The following TATDN1 variants were observed in gnomAD, a reference collection of about 807,000 sequenced individuals.
TATDN1 encodes TatD DNase domain containing 1, also known as deoxyribonuclease TATDN1.
A neutral mutation model predicts 46.4 loss-of-function variants in TATDN1; 40 were observed. That is an observed-to-expected ratio of 0.86 (90% confidence interval 0.67 to 1.12). The LOEUF (loss-of-function observed/expected upper bound fraction) is 1.12, where lower values mean the gene tolerates loss of function less well. TATDN1 is among the 50% of genes most tolerant of loss of function. TATDN1 has a pLI of 0.00. For missense variants in TATDN1, 326 were observed against 348.4 expected, an observed-to-expected ratio of 0.94 and a Z score of 0.51; for synonymous variants, 95 against 105.6, an observed-to-expected ratio of 0.90 and a Z score of 0.62.
At chr8:124,501,639 A>C (rs182218288) in intron 9 of TATDN1, among the ~76,000 whole-genome samples, 2 of 152,334 alleles carry the variant, frequency 1.3e-5, no homozygotes, top group Admixed American at 1.3e-4. Context: ...AGTTGAAGTA[A>C]ATTTCATAAA....
chr8:124,517,197 A>C (rs1042503116), intron 4 of TATDN1, among the ~76,000 whole-genome samples: 4 of 152,244 alleles, frequency 2.6e-5, no homozygotes, highest in African/African-American at 9.6e-5. Flanking sequence ...TGGGAGGGCA[A>C]GCCGGGCAGA....
chr8:124,531,532 C>G (rs1010274942), intron 1 of TATDN1, among the ~76,000 whole-genome samples: 2 of 152,098 alleles, frequency 1.3e-5, no homozygotes, highest in East Asian at 3.8e-4. Context: ...TGGGAACACC[C>G]TAGATAGGAA....
chr8:124,489,357 C>A (rs1816719194), intron 11 of TATDN1: 1 of 151,938 alleles, frequency 6.6e-6, no homozygotes, highest in African/African-American at 2.4e-5. Context: ...CTGTCTCTCT[C>A]TTCCTTCCCT....
At chr8:124,492,278 CT>C (rs1327316668) in intron 11 of TATDN1, among the ~76,000 whole-genome samples, 4 of 151,968 alleles carry the variant, frequency 2.6e-5, no homozygotes, top group African/African-American at 7.3e-5. Flanking sequence ...CCTGGCCAGC[CT>C]TTATAGTTCT....
intron 9 of TATDN1, among the ~76,000 whole-genome samples, chr8:124,497,357 C>T (rs932904744): frequency 1.3e-5 from 2 of 150,936 alleles, no homozygotes; most frequent in East Asian, 1.9e-4. Context: ...AAAATCCCGG[C>T]GAGCTGCAAC....
chr8:124,493,743 A>G, intron 11 of TATDN1, 90 bp downstream of exon 11: 1 of 1,472,170 alleles, frequency 6.8e-7, no homozygotes. Context: ...GGATTTTGCA[A>G]AATTTTAATT....
At chr8:124,520,942 CAA>C (rs1162309758) in intron 3 of TATDN1, among the ~76,000 whole-genome samples, 8,906 of 82,140 alleles carry the variant, frequency 0.11, 284 homozygotes, top group South Asian at 0.32. Flanking sequence ...GACTCCGTCT[CAA>C]AAAAAAAAAA....
At chr8:124,498,702 G>C (rs961774087) in intron 9 of TATDN1, among the ~76,000 whole-genome samples, 1 of 152,118 alleles carries the variant, frequency 6.6e-6, no homozygotes, top group Non-Finnish European at 1.5e-5. Flanking sequence ...CTGGGCTGGA[G>C]TGCAATGGTG....
chr8:124,535,185 A>G lies in TATDN1; in HGVS notation c.22+3840T>C, dbSNP rs371413866. Among the ~76,000 whole-genome samples the G allele has an allele frequency of 6.6e-5, 10 of 152,320 alleles. No individual in the cohort carries two copies. The East Asian group carries it at 1.3e-3, about 21-fold the overall frequency. ...ATCCAGGAGCCCCCAGCCATCAGTC[A>G]TCTTAGCAGCATACAAAAAGACACT... On this transcript the variant is annotated intron_variant, in intron 1 of 11. Coordinates refer to ENST00000276692, the MANE Select transcript of TATDN1 (RefSeq NM_032026.4).
At chr8:124,490,600 G>A (rs538565802) in intron 11 of TATDN1, among the ~76,000 whole-genome samples, 35 of 152,210 alleles carry the variant, frequency 2.3e-4, no homozygotes, top group African/African-American at 7.7e-4. Context: ...ATCTTTCTTC[G>A]AATAACCCTT....
At chr8:124,537,947 GA>G (rs34664004) in intron 1 of TATDN1, among the ~76,000 whole-genome samples, 66,381 of 149,650 alleles carry the variant, frequency 0.44, 14,886 homozygotes, top group South Asian at 0.55. Context: ...CAACGTCTTT[GA>G]AAAAAAAAAA....
chr8:124,533,242 ACT>A (rs1315345322), intron 1 of TATDN1, among the ~76,000 whole-genome samples: 3 of 148,558 alleles, frequency 2.0e-5, no homozygotes, highest in Non-Finnish European at 4.5e-5. Context: ...ACAGAGTGAG[ACT>A]CTGTCTCAAA....
intron 9 of TATDN1, among the ~76,000 whole-genome samples, chr8:124,501,311 A>C (rs570822382): frequency 1.7e-4 from 26 of 152,214 alleles, no homozygotes; most frequent in Non-Finnish European, 2.9e-4. Context: ...ACCCAGAAAA[A>C]GATCTCTACA....
In TATDN1 at chr8:124,491,757, C is replaced by A. The variant is rs375401588; in HGVS notation, c.791+2076G>T. 9.9e-5 allele frequency: 15 copies of A among 152,208 alleles called. No individual in the cohort carries two copies. In the East Asian group the frequency reaches 1.2e-3, roughly 12 times the overall value. 9.4% of individuals were successfully genotyped at this position (152,208 alleles called of 1,614,324 possible). On this transcript the variant is annotated intron_variant, in intron 11 of 11. Transcript: ENST00000276692. Reference sequence around the variant, plus strand: ...TTGCAAACAATGTATATCTAAAAGACCTCTATAAAAATAATTAGAATGTAA... The same window carrying A: ...TTGCAAACAATGTATATCTAAAAGAACTCTATAAAAATAATTAGAATGTAA...
At position 124,515,774 on chromosome 8, in the gene TATDN1, G is replaced by A. The variant is rs1302174647; in HGVS notation, c.361C>T (p.Gln121Ter). The A allele has an allele frequency of 2.5e-6, 4 of 1,613,680 alleles. No individual in the cohort carries two copies. The East Asian group carries it at 6.7e-5, about 27-fold the overall frequency. ...AGTTGAGTATCTTTGGGACAAAACT[G>A]CAGTCGGTCAAAATCTTTAAAAAGA... is the stretch of plus-strand genomic sequence containing the variant. ...GECGLDFDRLQFCPKDTQLKY... is the reference protein window; with the variant it reads ...GECGLDFDRL Residue 121 changes from glutamine to a stop codon, truncating the protein, a stop_gained, in exon 6 of 12, where the codon CAG becomes TAG. Coordinates refer to ENST00000276692, the MANE Select transcript of TATDN1 (RefSeq NM_032026.4). LOFTEE classifies it high-confidence loss of function.
chr8:124,497,802 C>A (rs1586568852), intron 9 of TATDN1, among the ~76,000 whole-genome samples: 1 of 152,052 alleles, frequency 6.6e-6, no homozygotes, highest in Admixed American at 6.6e-5. Context: ...ATTCTATCAG[C>A]CCTTTACTTA....
intron 6 of TATDN1, among the ~76,000 whole-genome samples, chr8:124,513,586 G>A (rs1383106637): frequency 6.6e-6 from 1 of 152,250 alleles, no homozygotes; most frequent in Non-Finnish European, 1.5e-5. Context: ...CATATTCTAA[G>A]ATCAGACGCT....
At chr8:124,514,012 A>C (rs1038958306) in intron 6 of TATDN1, among the ~76,000 whole-genome samples, 1 of 152,254 alleles carries the variant, frequency 6.6e-6, no homozygotes, top group Non-Finnish European at 1.5e-5. Flanking sequence ...CCTGAAAGGC[A>C]CAGCAAATCA....
At chr8:124,507,568 GT>G (rs983248665) in intron 8 of TATDN1, among the ~76,000 whole-genome samples, 1 of 152,100 alleles carries the variant, frequency 6.6e-6, no homozygotes, top group African/African-American at 2.4e-5. Flanking sequence ...GATTGCTTGA[GT>G]TTAGGAGTTC....
Sources: allele counts gnomAD v4.1 joint callset (sites outside exome capture counted in the v4.1 genomes callset), GRCh38; gene constraint gnomAD v4.1.1; transcripts MANE v1.5; gene names NCBI Gene and HGNC (gene_info 2026-07-23, HGNC 2026-07-21).